Variants in HSD17B8 observed in about 807,000 individuals in gnomAD.
HSD17B8 encodes the protein (3R)-3-hydroxyacyl-CoA dehydrogenase.
Under a neutral mutation model 33.2 loss-of-function variants are expected in HSD17B8, and 23 were observed. The ratio of observed to expected loss-of-function variants is 0.69; its 90% CI spans 0.50 to 0.98. The LOEUF is 0.98. Ranked by LOEUF, HSD17B8 falls within the 50% of genes least tolerant of loss-of-function variation. The pLI is 0.00. For synonymous variants in HSD17B8, 137 were observed against 138.6 expected, an observed-to-expected ratio of 0.99 and a Z score of 0.08; for missense variants, 345 against 347.5, an observed-to-expected ratio of 0.99 and a Z score of 0.06.
In HSD17B8 at chr6:33,205,792, C is replaced by T. The variant is rs370941986; in HGVS notation, c.567-36C>T. ...TCTGAGGGAGGTACCAGCATTCAGC[C>T]CTCTCCAGAATCGGCAGCCACTCTC... On this transcript the variant is annotated intron_variant, in intron 5 of 8. Coordinates refer to ENST00000374662, the MANE Select transcript of HSD17B8 (RefSeq NM_014234.5). This position sits in a 1 kb window ranked among gnomAD's most constrained non-coding sequence, Gnocchi z 5.0. 8.1e-4 allele frequency: 1,311 copies of T among 1,609,784 alleles called. 1 individual carries two copies. Among genetic ancestry groups the T allele is most frequent in the Non-Finnish European group, 1.0e-3 (1,218 of 1,177,118 alleles).
Position 33,205,639 on chromosome 6 carries a change from G to A in HSD17B8, c.481-1G>A. 1.2e-6 allele frequency: 2 copies of A among 1,613,070 alleles called. No individual in the cohort carries two copies. The highest frequency in any genetic ancestry group is 1.7e-6 in the Non-Finnish European group (2 of 1,180,008). The stretch of plus-strand genomic sequence containing the variant: ...ATTCCACATCTCTGACTCACCTATA[G>A]GTGGGGAACGTGGGGCAGACAAACT... On this transcript the variant is annotated splice_acceptor_variant, in intron 4 of 8. Transcript: ENST00000374662. LOFTEE classifies it high-confidence loss of function. The surrounding 1 kb of genome is among the most constrained non-coding windows in gnomAD (Gnocchi z 5.0).
rs1398267156 is a variant in HSD17B8, at chr6:33,205,416, T to G, written c.388-31T>G. The G allele has an allele frequency of 5.6e-6, 9 of 1,610,736 alleles. No homozygotes were observed. Among genetic ancestry groups the G allele is most frequent in the Non-Finnish European group, 6.8e-6 (8 of 1,177,818 alleles). ...GGAGGAGGGCTGTCACCCCAGCTGA[T>G]CTTTTCTCCCTTGTTACCCTTTCCC... On this transcript the variant is annotated intron_variant, in intron 3 of 8. Coordinates refer to ENST00000374662, the MANE Select transcript of HSD17B8 (RefSeq NM_014234.5). This position sits in a 1 kb window ranked among gnomAD's most constrained non-coding sequence, Gnocchi z 5.0.
In HSD17B8 at chr6:33,205,333, T is replaced by A. The variant is rs183728488; in HGVS notation, c.383T>A (p.Leu128His). 3.3e-5 allele frequency: 53 copies of A among 1,612,950 alleles called. 2 individuals are homozygous for A. In the East Asian group the frequency reaches 1.1e-3, roughly 33 times the overall value. The stretch of plus-strand genomic sequence containing the variant: ...TGGGACAAAGTCATAGCTGTCAACC[T>A]CAAGGTGGCGATCTCTGAACCTGCG... Reference protein sequence around the residue: ...DDWDKVIAVNLKGTFLVTQAA... With the variant: ...DDWDKVIAVNHKGTFLVTQAA... The change falls in exon 3 of 9, where the codon CTC becomes CAC. Residue 128 changes from leucine (L) to histidine (H), a missense_variant. Physicochemically the swap from Leu to His is moderately conservative, Grantham distance 99. Coordinates refer to ENST00000374662, the MANE Select transcript of HSD17B8 (RefSeq NM_014234.5). This position sits in a 1 kb window ranked among gnomAD's most constrained non-coding sequence, Gnocchi z 5.0.
chr6:33,205,050 G>C lies in HSD17B8; in HGVS notation c.201G>C (p.Gly67=). The C allele has an allele frequency of 6.4e-7, 1 of 1,555,296 alleles. No individual in the cohort carries two copies. Residue 67 remains glycine (G), a synonymous_variant, in exon 2 of 9, where the codon GGG becomes GGC. Transcript: ENST00000374662. This position sits in a 1 kb window ranked among gnomAD's most constrained non-coding sequence, Gnocchi z 5.0. ...GPGSKEGPPR[G]NHAAFQADVS... ...GGAGCAAGGAGGGGCCGCCCCGAGG[G>C]AACCATGCTGCCTTCCAGGCTGACG...
Position 33,205,457 on chromosome 6 carries a change from T to C in HSD17B8, c.398T>C (p.Leu133Pro). ...ACCCTTTCCCGCCAGGGCACCTTCC[T>C]AGTCACTCAGGCTGCAGCACAAGCC... ...VIAVNLKGTF[L>P]VTQAAAQALV... The change falls in exon 4 of 9, where the codon CTA (leucine) becomes CCA (proline). Residue 133 changes from leucine (L) to proline (P), a missense_variant. Transcript: ENST00000374662. The surrounding 1 kb of genome is among the most constrained non-coding windows in gnomAD (Gnocchi z 5.0). 1.2e-6 allele frequency: 2 copies of C among 1,613,174 alleles called. 1 individual carries two copies. Among genetic ancestry groups the C allele is most frequent in the South Asian group, 2.2e-5 (2 of 91,088 alleles).
Position 33,204,686 on chromosome 6 carries a change from G to T in HSD17B8, c.18G>T (p.Gln6His), listed in dbSNP as rs749196565. 1 of 1,611,570 alleles carries T rather than the reference G, an allele frequency of 6.2e-7. No individual in the cohort carries two copies. Among genetic ancestry groups the T allele is most frequent in the South Asian group, 1.1e-5 (1 of 91,074 alleles). Residue 6 changes from glutamine to histidine, a missense_variant, in exon 1 of 9, where the codon CAG becomes CAT. Transcript: ENST00000374662. ...AGCCCGCCATGGCGTCTCAGCTCCA[G>T]AACCGACTCCGCTCCGCACTGGCCT... MASQL[Q>H]NRLRSALALV...
Position 33,206,788 on chromosome 6 carries a change from G to T in HSD17B8, c.*134G>T. The stretch of plus-strand genomic sequence containing the variant: ...CAGGAATGCTGAATATGGGAAGCAG[G>T]GGTGCTTGTGACCCTAATAAATTCC... On this transcript the variant is annotated 3_prime_UTR_variant, in exon 9 of 9. Coordinates refer to ENST00000374662, the MANE Select transcript of HSD17B8 (RefSeq NM_014234.5). This position sits in a 1 kb window ranked among gnomAD's most constrained non-coding sequence, Gnocchi z 6.2. The T allele has an allele frequency of 1.1e-6, 1 of 944,658 alleles. No homozygotes were observed. The highest frequency in any genetic ancestry group is 1.7e-6 in the Non-Finnish European group (1 of 585,440). The allele number at this position is 944,658 out of a possible 1,614,324, so 58.5% of individuals were successfully genotyped here.
Position 33,205,542 on chromosome 6 carries a change from C to T in HSD17B8, c.480+3C>T. On this transcript the variant is annotated splice_donor_region_variant and intron_variant, in intron 4 of 8. Coordinates refer to ENST00000374662, the MANE Select transcript of HSD17B8 (RefSeq NM_014234.5). The surrounding 1 kb of genome is among the most constrained non-coding windows in gnomAD (Gnocchi z 5.0). ...ACATCAGTAGCATCGTAGGAAAGGT[C>T]AGGTTGAGTTGGACGAGGTCAGCCA... is the stretch of plus-strand genomic sequence containing the variant. The T allele has an allele frequency of 1.9e-6, 3 of 1,612,898 alleles. No homozygotes were observed.
rs1774996664 is a variant in HSD17B8 at position 33,205,745 on chromosome 6, G to GT, written c.566+21dup. The GT allele has an allele frequency of 6.2e-7, 1 of 1,612,676 alleles. No homozygotes were observed. Among genetic ancestry groups the GT allele is most frequent in the Admixed American group, 1.7e-5 (1 of 60,006 alleles). On this transcript the variant is annotated intron_variant, in intron 5 of 8. Coordinates refer to ENST00000374662, the MANE Select transcript of HSD17B8 (RefSeq NM_014234.5). This position sits in a 1 kb window ranked among gnomAD's most constrained non-coding sequence, Gnocchi z 5.0. ...TGGACGGTTGGTCAGATGCTTGAGG[G>GT]TGCTGGGGAGCACCTGGGGGGTCTG...
chr6:33,206,703 G>A lies in HSD17B8; in HGVS notation c.*49G>A, dbSNP rs763027794. 1 of 1,595,654 alleles carries A rather than the reference G, an allele frequency of 6.3e-7. No homozygotes were observed. Among genetic ancestry groups the A allele is most frequent in the South Asian group, 1.1e-5 (1 of 90,714 alleles). Reference sequence around the variant, plus strand: ...GCTCACCCCCCCACCACTCTGCCTGGCCTCCTGCTGATGAGGACTCTAAGT... The same window carrying A: ...GCTCACCCCCCCACCACTCTGCCTGACCTCCTGCTGATGAGGACTCTAAGT... On this transcript the variant is annotated 3_prime_UTR_variant, in exon 9 of 9. Transcript: ENST00000374662. The surrounding 1 kb of genome is among the most constrained non-coding windows in gnomAD (Gnocchi z 6.2).
rs1166151102 is a variant in HSD17B8 at position 33,204,941 on chromosome 6, T to G, written c.92T>G (p.Leu31Arg). 6.8e-7 allele frequency: 1 copy of G among 1,463,644 alleles called. No individual in the cohort carries two copies. The highest frequency in any genetic ancestry group is 2.5e-5 in the East Asian group (1 of 40,618). 90.7% of individuals were successfully genotyped at this position (1,463,644 alleles called of 1,614,324 possible). ...SGIGRAVSVR[L>R]AGEGATVAAC... ...ATCGGCCGAGCGGTCAGTGTACGCC[T>G]GGCCGGAGAGGGGGCCACCGTAGCT... is the stretch of plus-strand genomic sequence containing the variant. The change falls in exon 2 of 9, where the codon CTG becomes CGG. Residue 31 changes from leucine to arginine, a missense_variant. Transcript: ENST00000374662.
intron 1 of HSD17B8, 29 bp downstream of exon 1, chr6:33,204,749 T>G (rs1189170354): frequency 8.7e-6 from 14 of 1,612,434 alleles, no homozygotes; most frequent in Non-Finnish European, 1.2e-5. Flanking sequence ...CCGGGCGGTT[T>G]GGGGTATTGG....
In HSD17B8 at chr6:33,204,817, C is replaced by A. The variant is rs1012786864; in HGVS notation, c.53-85C>A. On this transcript the variant is annotated intron_variant, in intron 1 of 8. Transcript: ENST00000374662. ...GGCCGCTGTGACCTCTGGCCCCTTA[C>A]CCACATTTTACTTTCTGCCCTGTGA... The A allele has an allele frequency of 3.9e-6, 6 of 1,554,430 alleles. No individual in the cohort carries two copies. In the African/African-American group the frequency reaches 8.2e-5, roughly 21 times the overall value.
Position 33,205,039 on chromosome 6 carries a change from C to A in HSD17B8, c.190C>A (p.Pro64Thr). ...LLGGPGSKEG[P>T]PRGNHAAFQA... is the part of the protein sequence containing the mutation. ...GGGCGGGCCAGGGAGCAAGGAGGGG[C>A]CGCCCCGAGGGAACCATGCTGCCTT... Residue 64 changes from proline (P) to threonine (T), a missense_variant, in exon 2 of 9, where the codon CCG (proline) becomes ACG (threonine). By Grantham distance (38) the Pro-to-Thr change is conservative. Transcript: ENST00000374662. The surrounding 1 kb of genome is among the most constrained non-coding windows in gnomAD (Gnocchi z 5.0). 1 of 1,545,516 alleles carries A rather than the reference C, an allele frequency of 6.5e-7. No individual in the cohort carries two copies. Among genetic ancestry groups the A allele is most frequent in the South Asian group, 1.2e-5 (1 of 80,010 alleles).
At position 33,206,796 on chromosome 6, in the gene HSD17B8, G is replaced by A. The variant is rs1775099310; in HGVS notation, c.*142G>A. The A allele has an allele frequency of 1.1e-6, 1 of 889,486 alleles. No homozygotes were observed. Among genetic ancestry groups the A allele is most frequent in the South Asian group, 1.4e-5 (1 of 71,404 alleles). 55.1% of individuals were successfully genotyped at this position (889,486 alleles called of 1,614,324 possible). ...CTGAATATGGGAAGCAGGGGTGCTT[G>A]TGACCCTAATAAATTCCAAGTCCTC... On this transcript the variant is annotated 3_prime_UTR_variant, in exon 9 of 9. Coordinates refer to ENST00000374662, the MANE Select transcript of HSD17B8 (RefSeq NM_014234.5). The surrounding 1 kb of genome is among the most constrained non-coding windows in gnomAD (Gnocchi z 6.2).
chr6:33,204,892 C>T lies in HSD17B8; in HGVS notation c.53-10C>T, dbSNP rs1392912887. 8 of 1,477,450 alleles carry T rather than the reference C, an allele frequency of 5.4e-6. 1 individual carries two copies. The South Asian group carries it at 5.5e-5, about 10-fold the overall frequency. 91.5% of individuals were successfully genotyped at this position (1,477,450 alleles called of 1,614,324 possible). On this transcript the variant is annotated splice_polypyrimidine_tract_variant and intron_variant, in intron 1 of 8. Coordinates refer to ENST00000374662, the MANE Select transcript of HSD17B8 (RefSeq NM_014234.5). ...CCGTGCCCGGTCCGGCGTGTTCTGT[C>T]CTACCTCAGGTGCGGGGAGCGGCAT...
In HSD17B8 at chr6:33,206,683, C is replaced by T. The variant is rs367760363; in HGVS notation, c.*29C>T. ...CCTCAAGGACCCTGGACTCTGCTCA[C>T]CCCCCCACCACTCTGCCTGGCCTCC... is the stretch of plus-strand genomic sequence containing the variant. On this transcript the variant is annotated 3_prime_UTR_variant, in exon 9 of 9. Transcript: ENST00000374662. The surrounding 1 kb of genome is among the most constrained non-coding windows in gnomAD (Gnocchi z 6.2). The T allele has an allele frequency of 3.2e-4, 521 of 1,606,276 alleles. 1 individual carries two copies. The highest frequency in any genetic ancestry group is 4.4e-4 in the Non-Finnish European group (513 of 1,174,148).
At position 33,206,255 on chromosome 6, in the gene HSD17B8, G is replaced by C; in HGVS notation, c.694+79G>C. ...CCCAAAGTTTGGGGATTTTCTAGGGGACTGGTGGTTGGTGTCTGTGGAGAG... is the reference window on the plus strand; with the variant it reads ...CCCAAAGTTTGGGGATTTTCTAGGGCACTGGTGGTTGGTGTCTGTGGAGAG... On this transcript the variant is annotated intron_variant, in intron 7 of 8. Coordinates refer to ENST00000374662, the MANE Select transcript of HSD17B8 (RefSeq NM_014234.5). This position sits in a 1 kb window ranked among gnomAD's most constrained non-coding sequence, Gnocchi z 6.2. 2 of 1,565,496 alleles carry C rather than the reference G, an allele frequency of 1.3e-6. No homozygotes were observed. Among genetic ancestry groups the C allele is most frequent in the Admixed American group, 3.4e-5 (2 of 59,476 alleles).
In HSD17B8 at chr6:33,206,609, A is replaced by G. The variant is rs533351648; in HGVS notation, c.770-29A>G. ...AGCCCATTTGTGTCTCCACCCATGC[A>G]TCTGTCCAAATGTTTCTGCCCCTCC... is the stretch of plus-strand genomic sequence containing the variant. On this transcript the variant is annotated intron_variant, in intron 8 of 8. Transcript: ENST00000374662. The surrounding 1 kb of genome is among the most constrained non-coding windows in gnomAD (Gnocchi z 6.2). 6 of 1,613,422 alleles carry G rather than the reference A, an allele frequency of 3.7e-6. No homozygotes were observed. In the South Asian group the frequency reaches 5.5e-5, roughly 15 times the overall value.
Sources: allele counts gnomAD v4.1 joint callset, GRCh38; gene constraint gnomAD v4.1.1; non-coding constraint Gnocchi (gnomAD v3.1); transcripts MANE v1.5; gene names NCBI Gene and HGNC (gene_info 2026-07-23, HGNC 2026-07-21).